The following PROM1 variants were observed in gnomAD, a reference collection of about 807,000 sequenced individuals.
PROM1 encodes prominin 1.
Under a neutral mutation model 116.9 loss-of-function variants are expected in PROM1, and 105 were observed. The observed-to-expected ratio is 0.90, with a 90% CI of 0.77 to 1.06. The LOEUF (loss-of-function observed/expected upper bound fraction) is 1.06. PROM1 is among the 50% of genes least tolerant of loss of function. The pLI is 0.00. For synonymous variants in PROM1, 393 were observed against 387.0 expected, an observed-to-expected ratio of 1.02 and a Z score of -0.18; for missense variants, 1,122 against 1,045.2, an observed-to-expected ratio of 1.07 and a Z score of -1.01.
Position 16,006,624 on chromosome 4 carries a change from T to G in PROM1, c.1368A>C (p.Leu456Phe). 1 of 1,612,152 alleles carries G rather than the reference T, an allele frequency of 6.2e-7. No individual in the cohort carries two copies. Among genetic ancestry groups the G allele is most frequent in the Non-Finnish European group, 8.5e-7 (1 of 1,179,232 alleles). The change falls in exon 13 of 28, where the codon TTA becomes TTC. Residue 456 changes from leucine (L) to phenylalanine (F), a missense_variant. Coordinates refer to ENST00000447510, the MANE Select transcript of PROM1 (RefSeq NM_006017.3). ...TLIVIFYYLG[L>F]LCGVCGYDRH... ...TGTCATAGCCGCACACGCCACACAG[T>G]AAGCCCAGGTAGTAAAAAATCACGA...
Position 16,006,559 on chromosome 4 carries a change from G to T in PROM1, c.1433C>A (p.Thr478Asn). 6.3e-7 allele frequency: 1 copy of T among 1,598,296 alleles called. No individual in the cohort carries two copies. The highest frequency in any genetic ancestry group is 1.7e-5 in the Admixed American group (1 of 57,678). The change falls in exon 13 of 28, where the codon ACC becomes AAC. Residue 478 changes from threonine to asparagine, a missense_variant. Physicochemically the swap from Thr to Asn is moderately conservative, Grantham distance 65. Coordinates refer to ENST00000447510, the MANE Select transcript of PROM1 (RefSeq NM_006017.3). ...TCACACCATGAGGAAGACGCCTCCGGTGTTGGAGACACAGCCTCGGGTGGT... is the reference window on the plus strand; with the variant it reads ...TCACACCATGAGGAAGACGCCTCCGTTGTTGGAGACACAGCCTCGGGTGGT... Reference protein sequence around the residue: ...TPTTRGCVSNTGGVFLMVGVG... With the variant: ...TPTTRGCVSNNGGVFLMVGVG...
In PROM1 at chr4:15,979,835, C is replaced by T. The variant is rs533313955; in HGVS notation, c.2513+46G>A. 46 of 1,408,916 alleles carry T rather than the reference C, an allele frequency of 3.3e-5. No individual in the cohort carries two copies. In the African/African-American group the frequency reaches 6.1e-4, roughly 19 times the overall value. 87.3% of individuals were successfully genotyped at this position (1,408,916 alleles called of 1,614,324 possible). ...AAAGTCCATTACATAATAATATCAACCTCCCCCATCCCATCTAGGAATATA... is the reference window on the plus strand; with the variant it reads ...AAAGTCCATTACATAATAATATCAATCTCCCCCATCCCATCTAGGAATATA... On this transcript the variant is annotated intron_variant, in intron 25 of 27. Coordinates refer to ENST00000447510, the MANE Select transcript of PROM1 (RefSeq NM_006017.3).
intron 8 of PROM1, among the ~76,000 whole-genome samples, chr4:16,022,125 G>A (rs1730063028): frequency 2.0e-5 from 3 of 150,706 alleles, no homozygotes; most frequent in African/African-American, 7.3e-5. Flanking sequence ...GAGGGAAGAA[G>A]GGAAGGAGGG....
At chr4:15,985,315 G>A (rs183796777) in intron 22 of PROM1, among the ~76,000 whole-genome samples, 1 of 152,204 alleles carries the variant, frequency 6.6e-6, no homozygotes, top group Admixed American at 6.5e-5. Flanking sequence ...ACTCTGGAAC[G>A]AATAACCCAT....
intron 12 of PROM1, 149 bp from the exon 13 acceptor site, chr4:16,006,839 A>G (rs530000123): frequency 1.3e-6 from 1 of 766,914 alleles, no homozygotes; most frequent in Non-Finnish European, 2.0e-6. Flanking sequence ...AATAATGTTG[A>G]GTGAAAAGAT....
At chr4:16,070,242 C>A (rs1183467827) in intron 2 of PROM1, among the ~76,000 whole-genome samples, 1 of 152,100 alleles carries the variant, frequency 6.6e-6, no homozygotes, top group Non-Finnish European at 1.5e-5. Flanking sequence ...ACTCTGTCTC[C>A]ATCGTTAACG....
chr4:16,034,839 C>G (rs952148172), intron 4 of PROM1, among the ~76,000 whole-genome samples: 3 of 152,160 alleles, frequency 2.0e-5, no homozygotes, highest in Admixed American at 6.5e-5. Flanking sequence ...AGGGGGCTTC[C>G]AGGTCCCTAA....
Position 15,991,524 on chromosome 4 carries a change from A to G in PROM1, c.1912-231T>C, listed in dbSNP as rs114998882. On this transcript the variant is annotated intron_variant, in intron 17 of 27. Transcript: ENST00000447510. ...AAAGGAATGAAGTGCTGATAATGTT[A>G]TAACATGGATGAACAGCAAAAACAT... is the stretch of plus-strand genomic sequence containing the variant. Among the ~76,000 whole-genome samples the G allele has an allele frequency of 7.3e-3, 1,114 of 152,236 alleles. 20 individuals carry two copies. Among genetic ancestry groups the G allele is most frequent in the African/African-American group, 0.025 (1,049 of 41,536 alleles).
intron 2 of PROM1, among the ~76,000 whole-genome samples, chr4:16,049,717 T>TTATA (rs1183173614): frequency 6.7e-6 from 1 of 150,364 alleles, no homozygotes; most frequent in Non-Finnish European, 1.5e-5. Flanking sequence ...CTCCTTAAAT[T>TTATA]TATATATATA....
At chr4:16,070,064 C>G (rs1742460927) in intron 2 of PROM1, among the ~76,000 whole-genome samples, 1 of 152,180 alleles carries the variant, frequency 6.6e-6, no homozygotes, top group Non-Finnish European at 1.5e-5. Context: ...TCACAGTTTA[C>G]TATGTATGGA....
chr4:15,986,162 G>A (rs1380231945), intron 20 of PROM1, 125 bp from the exon 21 acceptor site: 4 of 658,948 alleles, frequency 6.1e-6, no homozygotes, highest in Non-Finnish European at 1.0e-5. Context: ...TGCTAGTTAA[G>A]AGGAAGACAG....
rs778490205 is a variant in PROM1 at position 16,018,505 on chromosome 4, T to C, written c.820A>G (p.Asn274Asp). ...KETKEALENM[N>D]STLKSLHQQS... is the part of the protein sequence containing the mutation. ...TGGTGCAAGCTCTTCAAGGTGCTGT[T>C]CATGTTCTCCAACGCCTCTTTGGTC... is the stretch of plus-strand genomic sequence containing the variant. The change falls in exon 9 of 28, where the codon AAC becomes GAC. Residue 274 changes from asparagine (N) to aspartate (D), a missense_variant. Physicochemically the swap from Asn to Asp is conservative, Grantham distance 23 (BLOSUM62 1). Transcript: ENST00000447510. 1 of 1,612,080 alleles carries C rather than the reference T, an allele frequency of 6.2e-7. No individual in the cohort carries two copies. The highest frequency in any genetic ancestry group is 1.7e-5 in the Admixed American group (1 of 59,898).
chr4:16,075,248 T>G (rs1052972089), intron 2 of PROM1, among the ~76,000 whole-genome samples: 2 of 152,214 alleles, frequency 1.3e-5, no homozygotes, highest in African/African-American at 4.8e-5. Flanking sequence ...ATGTCAAAAT[T>G]TGCATATTGT....
intron 5 of PROM1, among the ~76,000 whole-genome samples, chr4:16,029,358 TG>T (rs1347880526): frequency 1.0e-5 from 1 of 96,340 alleles, no homozygotes; most frequent in African/African-American, 4.3e-5. Flanking sequence ...AGTCAAGTCA[TG>T]GTTTTTTTTT....
Position 16,025,188 on chromosome 4 carries a change from T to G in PROM1, c.630+4A>C, listed in dbSNP as rs1216666913. 6.2e-7 allele frequency: 1 copy of G among 1,613,534 alleles called. No homozygotes were observed. The highest frequency in any genetic ancestry group is 8.5e-7 in the Non-Finnish European group (1 of 1,179,538). ...TCGCGGTACATAGAGATGATGGTTTTTACCTCTGGAGTTTCATTCAAGAGA... is the reference window on the plus strand; with the variant it reads ...TCGCGGTACATAGAGATGATGGTTTGTACCTCTGGAGTTTCATTCAAGAGA... On this transcript the variant is annotated splice_donor_region_variant and intron_variant, in intron 6 of 27. Coordinates refer to ENST00000447510, the MANE Select transcript of PROM1 (RefSeq NM_006017.3).
chr4:16,009,619 T>C (rs573514399), intron 11 of PROM1, among the ~76,000 whole-genome samples: 218 of 152,044 alleles, frequency 1.4e-3, no homozygotes, highest in African/African-American at 5.0e-3. Flanking sequence ...GGAAAATAAA[T>C]AATAATAATA....
At chr4:16,040,141 T>A (rs906911889) in intron 2 of PROM1, among the ~76,000 whole-genome samples, 47 of 152,168 alleles carry the variant, frequency 3.1e-4, no homozygotes, top group African/African-American at 1.1e-3. Flanking sequence ...CAACTCCTTT[T>A]TTGATGCAAA....
intron 12 of PROM1, among the ~76,000 whole-genome samples, chr4:16,008,031 G>A (rs1365526109): frequency 1.3e-5 from 2 of 152,216 alleles, no homozygotes; most frequent in Non-Finnish European, 2.9e-5. Flanking sequence ...CAGGCCAGGG[G>A]ATTTTTGTGA....
chr4:16,083,402 C>T (rs1287294160), intron 1 of PROM1: 1 of 151,772 alleles, frequency 6.6e-6, no homozygotes, highest in African/African-American at 2.4e-5. Flanking sequence ...CGGGCCACCA[C>T]TCAGACTAAA....
Sources: allele counts gnomAD v4.1 joint callset (sites outside exome capture counted in the v4.1 genomes callset), GRCh38; gene constraint gnomAD v4.1.1; transcripts MANE v1.5; gene names NCBI Gene and HGNC (gene_info 2026-07-23, HGNC 2026-07-21).